RBFOX1: variants seen among roughly 807,000 people sequenced by gnomAD.
The protein encoded by RBFOX1 is RNA binding fox-1 homolog 1.
Under a neutral mutation model 57.7 loss-of-function variants are expected in RBFOX1, and 8 were observed. That is an observed-to-expected ratio of 0.14 (90% CI 0.08 to 0.25). The LOEUF is 0.25. Ranked by LOEUF, RBFOX1 falls within the 10% of genes least tolerant of loss-of-function variation. The probability of loss-of-function intolerance (pLI) is 1.00; values close to 1 mark genes in which losing one functional copy is unlikely to be tolerated. For synonymous variants in RBFOX1, 326 were observed against 222.4 expected, an observed-to-expected ratio of 1.47 and a Z score of -4.15; for missense variants, 611 against 548.5, an observed-to-expected ratio of 1.11 and a Z score of -1.14.
intron 1 of RBFOX1, among the ~76,000 whole-genome samples, chr16:5,460,807 G>A (rs978591696): frequency 2.6e-5 from 4 of 152,200 alleles, no homozygotes; most frequent in African/African-American, 9.7e-5. Context: ...AAGGCACAAA[G>A]GAAAAGCACA....
intron 4 of RBFOX1, among the ~76,000 whole-genome samples, chr16:7,474,351 A>C (rs912084552): frequency 6.6e-6 from 1 of 152,142 alleles, no homozygotes; most frequent in African/African-American, 2.4e-5. Flanking sequence ...TATGCTGCTG[A>C]GTAAATGGCC....
chr16:7,213,607 G>A (rs2091537615), intron 4 of RBFOX1, among the ~76,000 whole-genome samples: 1 of 151,872 alleles, frequency 6.6e-6, no homozygotes, highest in South Asian at 2.1e-4. Context: ...GGAGTATGAT[G>A]GGAGCTTACC....
chr16:7,439,676 C>T (rs185533597), intron 4 of RBFOX1, among the ~76,000 whole-genome samples: 2 of 152,192 alleles, frequency 1.3e-5, no homozygotes, highest in South Asian at 2.1e-4. Flanking sequence ...GTTTTAAAGG[C>T]ACTATTCATG....
At chr16:6,334,950 A>C (rs913885955) in intron 2 of RBFOX1, among the ~76,000 whole-genome samples, 3 of 152,214 alleles carry the variant, frequency 2.0e-5, no homozygotes, top group Non-Finnish European at 2.9e-5. Context: ...CTGGTTTCAT[A>C]TTACTGTCAA....
chr16:6,018,788 T>G (rs2095017251), upstream of RBFOX1, among the ~76,000 whole-genome samples: 1 of 152,102 alleles, frequency 6.6e-6, no homozygotes, highest in Non-Finnish European at 1.5e-5. Flanking sequence ...AGGGCGCTGG[T>G]GCTCAATGAG....
chr16:7,550,378 C>A (rs2085968820), intron 5 of RBFOX1, among the ~76,000 whole-genome samples: 1 of 152,060 alleles, frequency 6.6e-6, no homozygotes, highest in Non-Finnish European at 1.5e-5. Flanking sequence ...ATAGAGGCAG[C>A]TGTGACGATG....
At chr16:5,413,232 A>G (rs1031502348) in intron 1 of RBFOX1, among the ~76,000 whole-genome samples, 7 of 152,144 alleles carry the variant, frequency 4.6e-5, no homozygotes, top group Admixed American at 3.9e-4. Context: ...TTCTACCAAC[A>G]GCCCCAACTG....
chr16:7,024,053 A>G (rs925019081), intron 3 of RBFOX1, among the ~76,000 whole-genome samples: 2 of 152,202 alleles, frequency 1.3e-5, no homozygotes, highest in African/African-American at 4.8e-5. Flanking sequence ...GGAAGGTCAT[A>G]AAACCAGGGA....
In RBFOX1 at chr16:5,411,066, C is replaced by G. The variant is rs569361688; in HGVS notation, c.220-56150C>G. On this transcript the variant is annotated intron_variant, in intron 1 of 2. Transcript: ENST00000585867. ...TATCCTCCTCCATAGTGGGCTGAAA[C>G]TTTTGGGGATATTGGGATGGGGTCA... is the stretch of plus-strand genomic sequence containing the variant. Among the ~76,000 whole-genome samples the G allele has an allele frequency of 1.4e-4, 21 of 152,276 alleles. 1 individual carries two copies. In the South Asian group the frequency reaches 4.3e-3, roughly 32 times the overall value.
intron 2 of RBFOX1, among the ~76,000 whole-genome samples, chr16:6,383,743 C>G (rs2092022890): frequency 6.6e-6 from 1 of 151,834 alleles, no homozygotes; most frequent in South Asian, 2.1e-4. Flanking sequence ...GCACTCCAGC[C>G]TGGGCGACAG....
intron 1 of RBFOX1, among the ~76,000 whole-genome samples, chr16:5,298,143 T>G (rs1323206435): frequency 6.6e-6 from 1 of 152,184 alleles, no homozygotes; most frequent in African/African-American, 2.4e-5. Context: ...AAGTGCCCAT[T>G]GATGGTTGCT....
At chr16:6,696,740 C>G (rs1294418653) in intron 3 of RBFOX1, among the ~76,000 whole-genome samples, 3 of 151,886 alleles carry the variant, frequency 2.0e-5, no homozygotes, top group East Asian at 3.9e-4. Context: ...CTTACAAAAC[C>G]TTTCGAAATG....
chr16:5,959,230 C>T (rs1250110770), intron 4 of RBFOX1, among the ~76,000 whole-genome samples: 1 of 152,214 alleles, frequency 6.6e-6, no homozygotes, highest in East Asian at 1.9e-4. Context: ...TAACCATTCA[C>T]AGAGGGAACT....
intron 1 of RBFOX1, among the ~76,000 whole-genome samples, chr16:5,384,100 G>T (rs1045154173): frequency 6.6e-5 from 10 of 152,192 alleles, no homozygotes; most frequent in Non-Finnish European, 4.4e-5. Context: ...ACTCCGTCAG[G>T]AGTCTTGGGG....
At chr16:7,035,197 G>A (rs1285152506) in intron 3 of RBFOX1, among the ~76,000 whole-genome samples, 2 of 151,852 alleles carry the variant, frequency 1.3e-5, no homozygotes, top group Non-Finnish European at 1.5e-5. Flanking sequence ...CAACGCTGTT[G>A]GTCCTCAGTC....
chr16:7,713,128 T>G lies in RBFOX1; in HGVS notation c.*2383T>G, dbSNP rs1365507944. ...AGTATTTATTTGGAATGTTTTCATT[T>G]ATCTAAATAACTATTGCTATTATGA... On this transcript the variant is annotated 3_prime_UTR_variant, in exon 16 of 16. Transcript: ENST00000550418. 1 of 152,240 alleles carries G rather than the reference T, an allele frequency of 6.6e-6. No individual in the cohort carries two copies. The highest frequency in any genetic ancestry group is 2.4e-5 in the African/African-American group (1 of 41,454). 9.4% of individuals were successfully genotyped at this position (152,240 alleles called of 1,614,324 possible).
In RBFOX1 at chr16:7,288,185, C is replaced by T. The variant is rs867350077; in HGVS notation, c.28-229962C>T. 9.9e-5 allele frequency among the ~76,000 whole-genome samples: 15 copies of T among 152,264 alleles called. No homozygotes were observed. The Middle Eastern group carries it at 0.01, about 104-fold the overall frequency. ...AGCACCCTGGGGAAGCGGCACCTAC[C>T]TCAACCATAGTTTGTGATCCTGTAA... On this transcript the variant is annotated intron_variant, in intron 4 of 15. Coordinates refer to ENST00000550418, the MANE Select transcript of RBFOX1 (RefSeq NM_018723.4).
intron 3 of RBFOX1, among the ~76,000 whole-genome samples, chr16:6,868,199 C>T (rs556767658): frequency 6.6e-5 from 10 of 152,224 alleles, no homozygotes; most frequent in African/African-American, 1.9e-4. Flanking sequence ...CTACATGTTA[C>T]AGCCTCCAAG....
At chr16:5,362,667 A>G (rs1045324019) in intron 1 of RBFOX1, among the ~76,000 whole-genome samples, 1 of 151,996 alleles carries the variant, frequency 6.6e-6, no homozygotes, top group African/African-American at 2.4e-5. Flanking sequence ...AGGCCACATC[A>G]CTGACACTTT....
Sources: allele counts gnomAD v4.1 joint callset (sites outside exome capture counted in the v4.1 genomes callset), GRCh38; gene constraint gnomAD v4.1.1; transcripts MANE v1.5; gene names NCBI Gene and HGNC (gene_info 2026-07-23, HGNC 2026-07-21).